The following SNRPD1 variants were observed in gnomAD, a reference collection of about 807,000 sequenced individuals.
SNRPD1 encodes small nuclear ribonucleoprotein D1 polypeptide, also known as small nuclear ribonucleoprotein Sm D1.
Under a neutral mutation model 14.4 loss-of-function variants are expected in SNRPD1, and 1 was observed. The ratio of observed to expected loss-of-function variants is 0.07; its 90% CI spans 0.02 to 0.33. The LOEUF (loss-of-function observed/expected upper bound fraction) is 0.33. Ranked by LOEUF, SNRPD1 falls within the 10% of genes least tolerant of loss-of-function variation. SNRPD1 has a pLI of 1.00. For synonymous variants in SNRPD1, 42 were observed against 50.3 expected, an observed-to-expected ratio of 0.83 and a Z score of 0.70; for missense variants, 52 against 146.4, an observed-to-expected ratio of 0.36 and a Z score of 3.33.
chr18:21,625,346 C>T lies in SNRPD1; in HGVS notation c.283+1407C>T, dbSNP rs371172595. ...TTTTTTTTTTTTTGAGATGGAGTTT[C>T]GCTCTTGTTAGCCAAGCTGGAGTGC... On this transcript the variant is annotated intron_variant, in intron 3 of 3. Transcript: ENST00000300413. 1.0e-3 allele frequency among the ~76,000 whole-genome samples: 59 copies of T among 58,340 alleles called. No individual in the cohort carries two copies. In the East Asian group the frequency reaches 0.028, roughly 28 times the overall value. The allele number at this position is 58,340 out of a possible 152,430, so 38.3% of individuals were successfully genotyped here. A position where few individuals can be genotyped will look rare whatever the true frequency, so the allele number is the denominator to read the frequency against.
Position 21,629,511 on chromosome 18 carries a change from G to A in SNRPD1, c.*373G>A. On this transcript the variant is annotated 3_prime_UTR_variant, in exon 4 of 4. Transcript: ENST00000300413. ...TAGGCTCAGAGGCTTCAGCCCAGCT[G>A]CATAGTTGAAGATTTATGGACAGAA... is the stretch of plus-strand genomic sequence containing the variant. 1 of 171,506 alleles carries A rather than the reference G, an allele frequency of 5.8e-6. No homozygotes were observed. The highest frequency in any genetic ancestry group is 1.4e-4 in the South Asian group (1 of 7,118). 10.6% of individuals were successfully genotyped at this position (171,506 alleles called of 1,614,324 possible). A position where few individuals can be genotyped will look rare whatever the true frequency, so the allele number is the denominator to read the frequency against.
intron 1 of SNRPD1, among the ~76,000 whole-genome samples, chr18:21,614,579 C>T (rs1316753549): frequency 6.6e-6 from 1 of 152,120 alleles, no homozygotes; most frequent in East Asian, 1.9e-4. Context: ...CATTGTCATC[C>T]TTATTCTCAC....
chr18:21,618,347 A>T (rs1259082980), intron 1 of SNRPD1, among the ~76,000 whole-genome samples: 2 of 151,914 alleles, frequency 1.3e-5, no homozygotes, highest in East Asian at 3.9e-4. Context: ...GTTTAAAAAA[A>T]AACACAAAAA....
chr18:21,617,789 G>A (rs2038968322), intron 1 of SNRPD1, among the ~76,000 whole-genome samples: 1 of 151,996 alleles, frequency 6.6e-6, no homozygotes, highest in African/African-American at 2.4e-5. Context: ...GATCACTTGG[G>A]CCAACATGGT....
At chr18:21,612,532 C>CG in intron 1 of SNRPD1, 89 bp downstream of exon 1, 1 of 1,033,804 alleles carries the variant, frequency 9.7e-7, no homozygotes, top group South Asian at 2.2e-5. Context: ...TTGCAGGAGG[C>CG]GGGAAAGCCG....
intron 1 of SNRPD1, among the ~76,000 whole-genome samples, chr18:21,617,438 G>A (rs1218463352): frequency 6.6e-6 from 1 of 152,106 alleles, no homozygotes; most frequent in African/African-American, 2.4e-5. Context: ...CTTATGTCTC[G>A]ATTACTGTAG....
At position 21,622,728 on chromosome 18, in the gene SNRPD1, T is replaced by G. The variant is rs2039007511; in HGVS notation, c.18T>G (p.Phe6Leu). 6.8e-7 allele frequency: 1 copy of G among 1,467,856 alleles called. No homozygotes were observed. Among genetic ancestry groups the G allele is most frequent in the Non-Finnish European group, 9.5e-7 (1 of 1,048,162 alleles). The allele number at this position is 1,467,856 out of a possible 1,614,324, so 90.9% of individuals were successfully genotyped here. Residue 6 changes from phenylalanine to leucine, a missense_variant, in exon 2 of 4, where the codon TTT becomes TTG. Phe to Leu is a conservative substitution (Grantham distance 22). Coordinates refer to ENST00000300413, the MANE Select transcript of SNRPD1 (RefSeq NM_006938.4). Reference sequence around the variant, plus strand: ...ATGGTTTTATTCCTATTTATAGATTTTTGATGAAATTGAGTCATGAAACTG... The same window carrying G: ...ATGGTTTTATTCCTATTTATAGATTGTTGATGAAATTGAGTCATGAAACTG... MKLVRFLMKLSHETVT... is the reference protein window; with the variant it reads MKLVRLLMKLSHETVT...
chr18:21,614,797 G>A (rs1385728629), intron 1 of SNRPD1, among the ~76,000 whole-genome samples: 8 of 152,204 alleles, frequency 5.3e-5, no homozygotes, highest in Admixed American at 5.2e-4. Flanking sequence ...TAAGTGGAAA[G>A]AATTCAGACA....
intron 2 of SNRPD1, 35 bp from the exon 3 acceptor site, chr18:21,623,713 C>G: frequency 1.4e-6 from 2 of 1,467,618 alleles, no homozygotes; most frequent in African/African-American, 2.8e-5. Flanking sequence ...TAACTTGTAT[C>G]ATACTAATAA....
intron 3 of SNRPD1, among the ~76,000 whole-genome samples, chr18:21,628,399 A>G (rs2039056269): frequency 6.6e-6 from 1 of 152,162 alleles, no homozygotes; most frequent in South Asian, 2.1e-4. Context: ...AACATTTAGA[A>G]TGTGACTGAC....
intron 1 of SNRPD1, among the ~76,000 whole-genome samples, chr18:21,620,234 A>C (rs1598491998): frequency 6.6e-6 from 1 of 152,092 alleles, no homozygotes; most frequent in African/African-American, 2.4e-5. Context: ...GGTTACAGGC[A>C]TGAGCTACCG....
chr18:21,618,636 C>T (rs2038975047), intron 1 of SNRPD1, among the ~76,000 whole-genome samples: 1 of 152,014 alleles, frequency 6.6e-6, no homozygotes, highest in African/African-American at 2.4e-5. Context: ...AAATTTGGAG[C>T]TGAATAACTC....
chr18:21,626,967 C>A (rs1598494615), intron 3 of SNRPD1, among the ~76,000 whole-genome samples: 6 of 141,776 alleles, frequency 4.2e-5, no homozygotes, highest in Admixed American at 7.1e-5. Context: ...TTTGAATAAA[C>A]ATTTATTTTC....
rs1172780761 is a variant in SNRPD1, at chr18:21,630,801, T to C, written c.*1663T>C. 1.3e-5 allele frequency: 2 copies of C among 148,350 alleles called. No individual in the cohort carries two copies. Among genetic ancestry groups the C allele is most frequent in the Non-Finnish European group, 3.0e-5 (2 of 67,324 alleles). 9.2% of individuals were successfully genotyped at this position (148,350 alleles called of 1,614,324 possible). ...AGAGATATATATATGTATTTATATA[T>C]ATATGTATTTATACTAATATATAAA... On this transcript the variant is annotated 3_prime_UTR_variant, in exon 4 of 4. Coordinates refer to ENST00000300413, the MANE Select transcript of SNRPD1 (RefSeq NM_006938.4).
At chr18:21,620,251 G>A (rs556419786) in intron 1 of SNRPD1, among the ~76,000 whole-genome samples, 1 of 151,948 alleles carries the variant, frequency 6.6e-6, no homozygotes, top group South Asian at 2.1e-4. Flanking sequence ...ACCGCACCCG[G>A]CCAACTAATT....
intron 1 of SNRPD1, among the ~76,000 whole-genome samples, chr18:21,615,342 G>A (rs1239600719): frequency 6.6e-6 from 1 of 152,118 alleles, no homozygotes; most frequent in Non-Finnish European, 1.5e-5. Flanking sequence ...TAGGCCGGGC[G>A]CAGTGGCTCA....
chr18:21,624,688 C>A (rs1295589317), intron 3 of SNRPD1, among the ~76,000 whole-genome samples: 1 of 110,236 alleles, frequency 9.1e-6, no homozygotes, highest in South Asian at 3.0e-4. Flanking sequence ...GAGACTTTGT[C>A]TCAAAAAAAA....
At chr18:21,618,700 A>T (rs899021382) in intron 1 of SNRPD1, among the ~76,000 whole-genome samples, 3 of 152,178 alleles carry the variant, frequency 2.0e-5, no homozygotes, top group Admixed American at 6.6e-5. Flanking sequence ...TCTTGATGTC[A>T]TATATAAAAA....
intron 1 of SNRPD1, among the ~76,000 whole-genome samples, chr18:21,620,495 A>G (rs2038989453): frequency 6.6e-6 from 1 of 152,198 alleles, no homozygotes. Context: ...AAGTGGATAG[A>G]TTGTTCATTA....
Sources: gnomAD v4.1 joint callset for allele counts (sites outside exome capture counted in the v4.1 genomes callset) on GRCh38, gnomAD v4.1.1 for gene constraint, MANE v1.5 for transcripts, NCBI Gene and HGNC (gene_info 2026-07-23, HGNC 2026-07-21) for gene names.